Variants in ACAA2 observed in about 807,000 individuals in gnomAD.
ACAA2 encodes 3-ketoacyl-CoA thiolase, mitochondrial.
A neutral mutation model predicts 44.8 loss-of-function variants in ACAA2; 35 were observed. That is an observed-to-expected ratio of 0.78 (90% CI 0.60 to 1.04). The LOEUF (loss-of-function observed/expected upper bound fraction) is 1.04, where lower values mean the gene tolerates loss of function less well. Among genes scored for constraint, ACAA2 ranks in the 50% least tolerant of loss-of-function variants. The probability of loss-of-function intolerance (pLI) is 0.00; values close to 1 mark genes in which losing one functional copy is unlikely to be tolerated. For synonymous variants in ACAA2, 142 were observed against 166.5 expected (o/e 0.85, Z 1.13); for missense variants, 468 against 482.6 (o/e 0.97, Z 0.28).
At chr18:49,789,452 A>T (rs1043524851) in intron 7 of ACAA2, among the ~76,000 whole-genome samples, 1 of 152,202 alleles carries the variant, frequency 6.6e-6, no homozygotes, top group African/African-American at 2.4e-5. Context: ...AGCTCTGTTC[A>T]AGCCCCGAGG....
chr18:49,787,274 A>C lies in ACAA2; in HGVS notation c.954+17T>G, dbSNP rs776484037. On this transcript the variant is annotated intron_variant, in intron 8 of 9. Transcript: ENST00000285093. ...ATTCATGTTGTTAAAAAAAAAAAAA[A>C]AAAAAAAAACACTTACCTCTACCAA... 9.7e-5 allele frequency: 139 copies of C among 1,438,980 alleles called. No individual in the cohort carries two copies. Among genetic ancestry groups the C allele is most frequent in the African/African-American group, 2.5e-4 (16 of 64,946 alleles). 89.1% of individuals were successfully genotyped at this position (1,438,980 alleles called of 1,614,324 possible).
At chr18:49,787,260 T>TAAAA (rs35932656) in intron 8 of ACAA2, 31 bp downstream of exon 8, 60,024 of 977,168 alleles carry the variant, frequency 0.061, 1,686 homozygotes, top group East Asian at 0.1. Flanking sequence ...TTCATGTTGT[T>TAAAA]AAAAAAAAAA....
chr18:49,801,867 T>C (rs773060827), intron 2 of ACAA2, among the ~76,000 whole-genome samples: 8 of 149,946 alleles, frequency 5.3e-5, no homozygotes, highest in African/African-American at 1.5e-4. Context: ...TTGGGTGCCA[T>C]AGCACCTATA....
At chr18:49,791,728 T>C in intron 6 of ACAA2, 129 bp from the exon 7 acceptor site, 7 of 870,028 alleles carry the variant, frequency 8.0e-6, no homozygotes, top group Non-Finnish European at 1.2e-5. Flanking sequence ...TGAGATACAA[T>C]TAGAAAAGTG....
At chr18:49,811,498 A>G (rs920062233) in intron 1 of ACAA2, 3 of 152,182 alleles carry the variant, frequency 2.0e-5, no homozygotes, top group Non-Finnish European at 2.9e-5. Context: ...GGGTGCTAAT[A>G]AAAACCTAGG....
rs1168417792 is a variant in ACAA2, at chr18:49,782,777, G to A, written c.*1070C>T. 1 of 151,894 alleles carries A rather than the reference G, an allele frequency of 6.6e-6. No homozygotes were observed. The allele number at this position is 151,894 out of a possible 1,614,324, so 9.4% of individuals were successfully genotyped here. Reference sequence around the variant, plus strand: ...GCAGGAGAATGGCATGAACCCAGGAGGCGGAGCTTGCAGTAAGCTGAGATC... The same window carrying A: ...GCAGGAGAATGGCATGAACCCAGGAAGCGGAGCTTGCAGTAAGCTGAGATC... On this transcript the variant is annotated 3_prime_UTR_variant, in exon 10 of 10. Transcript: ENST00000285093.
At chr18:49,799,444 TA>T (rs1039681481) in intron 2 of ACAA2, among the ~76,000 whole-genome samples, 2 of 152,222 alleles carry the variant, frequency 1.3e-5, no homozygotes, top group Non-Finnish European at 2.9e-5. Flanking sequence ...CTCCAGCTCC[TA>T]ACCGCGAGTG....
Position 49,783,826 on chromosome 18 carries a change from A to G in ACAA2, c.*21T>C, listed in dbSNP as rs1452340554. 1 of 1,607,314 alleles carries G rather than the reference A, an allele frequency of 6.2e-7. No homozygotes were observed. The highest frequency in any genetic ancestry group is 1.7e-5 in the Admixed American group (1 of 59,986). ...TGGCCAAGTAGAGTAAGGATGGGTC[A>G]CAGTGAGCTCACTGGTCTCTTCAGG... On this transcript the variant is annotated 3_prime_UTR_variant, in exon 10 of 10. Transcript: ENST00000285093.
chr18:49,799,346 C>T lies in ACAA2; in HGVS notation c.184-1752G>A, dbSNP rs989007235. ...TCTCCTGCCTCAGCCTGCTGAGTGCCTGCGATTGCAGGCACGCGCCGCCAC... is the reference window on the plus strand; with the variant it reads ...TCTCCTGCCTCAGCCTGCTGAGTGCTTGCGATTGCAGGCACGCGCCGCCAC... On this transcript the variant is annotated intron_variant, in intron 2 of 9. Coordinates refer to ENST00000285093, the MANE Select transcript of ACAA2 (RefSeq NM_006111.3). Among the ~76,000 whole-genome samples the T allele has an allele frequency of 2.0e-5, 3 of 151,992 alleles. No individual in the cohort carries two copies. In the East Asian group the frequency reaches 5.9e-4, roughly 30 times the overall value.
chr18:49,800,053 G>A (rs567083348), intron 2 of ACAA2, among the ~76,000 whole-genome samples: 21 of 151,394 alleles, frequency 1.4e-4, no homozygotes, highest in African/African-American at 4.6e-4. Context: ...GAGCGTCTCC[G>A]CCCGGCAACC....
chr18:49,789,407 G>A (rs1172608033), intron 7 of ACAA2, among the ~76,000 whole-genome samples: 1 of 152,166 alleles, frequency 6.6e-6, no homozygotes, highest in African/African-American at 2.4e-5. Flanking sequence ...CTAGATGAAG[G>A]GGGCAGCTGA....
At chr18:49,784,816 G>T (rs1471886230) in intron 9 of ACAA2, among the ~76,000 whole-genome samples, 1 of 152,250 alleles carries the variant, frequency 6.6e-6, no homozygotes, top group Admixed American at 6.5e-5. Flanking sequence ...ATGGCATCTA[G>T]ATCAGTACTC....
chr18:49,787,807 A>ATAGAT (rs1246537795), intron 7 of ACAA2, among the ~76,000 whole-genome samples: 2 of 152,186 alleles, frequency 1.3e-5, no homozygotes, highest in East Asian at 3.8e-4. Flanking sequence ...AGTTATGTTA[A>ATAGAT]TAGATTATAA....
chr18:49,792,360 AAAAG>A, intron 5 of ACAA2, 33 bp from the exon 6 acceptor site: 1 of 1,525,202 alleles, frequency 6.6e-7, no homozygotes, highest in South Asian at 1.2e-5. Flanking sequence ...TCATAAGAAT[AAAAG>A]AGAGAAACAT....
intron 1 of ACAA2, among the ~76,000 whole-genome samples, chr18:49,808,194 C>T (rs1330378492): frequency 6.6e-6 from 1 of 152,168 alleles, no homozygotes; most frequent in Non-Finnish European, 1.5e-5. Flanking sequence ...ATCCCAAACA[C>T]TGACAACACC....
At chr18:49,805,782 G>C (rs1012999930) in intron 1 of ACAA2, among the ~76,000 whole-genome samples, 5 of 151,276 alleles carry the variant, frequency 3.3e-5, no homozygotes, top group Non-Finnish European at 5.9e-5. Context: ...GTAGAGATGG[G>C]GTCTTGCTAT....
chr18:49,798,879 C>T (rs911086997), intron 2 of ACAA2, among the ~76,000 whole-genome samples: 8 of 152,026 alleles, frequency 5.3e-5, no homozygotes, highest in South Asian at 2.1e-4. Context: ...AAAATTTACA[C>T]GATCATCTCG....
chr18:49,789,563 G>A (rs1367217138), intron 7 of ACAA2, among the ~76,000 whole-genome samples: 2 of 152,164 alleles, frequency 1.3e-5, no homozygotes, highest in Admixed American at 6.5e-5. Context: ...TGGTTCACTG[G>A]CTATGCTAAT....
chr18:49,800,468 G>A (rs1462065955), intron 2 of ACAA2, among the ~76,000 whole-genome samples: 3 of 152,198 alleles, frequency 2.0e-5, no homozygotes, highest in Non-Finnish European at 2.9e-5. Flanking sequence ...GGGAAAGGTG[G>A]GGAAGGGATT....
Sources: allele counts gnomAD v4.1 joint callset (sites outside exome capture counted in the v4.1 genomes callset), GRCh38; gene constraint gnomAD v4.1.1; transcripts MANE v1.5; gene names NCBI Gene and HGNC (gene_info 2026-07-23, HGNC 2026-07-21).